Variants in RABGAP1L observed in about 807,000 individuals in gnomAD.
The protein encoded by RABGAP1L is RAB GTPase activating protein 1 like.
In RABGAP1L, 63 loss-of-function variants were observed where a neutral mutation model predicts 137.7. The ratio of observed to expected loss-of-function variants is 0.46; its 90% CI spans 0.37 to 0.56. The LOEUF (loss-of-function observed/expected upper bound fraction) is 0.56. RABGAP1L is among the 20% of genes least tolerant of loss of function. The pLI, the probability that RABGAP1L is intolerant of heterozygous loss-of-function variation, is 0.00. For synonymous variants in RABGAP1L, 431 were observed against 433.7 expected, an observed-to-expected ratio of 0.99 and a Z score of 0.08; for missense variants, 1,095 against 1,244.0, an observed-to-expected ratio of 0.88 and a Z score of 1.80.
intron 17 of RABGAP1L, among the ~76,000 whole-genome samples, chr1:174,713,717 T>C (rs933789869): frequency 6.6e-6 from 1 of 152,250 alleles, no homozygotes; most frequent in African/African-American, 2.4e-5. Flanking sequence ...AAAACCTCTT[T>C]TGTTTATAAA....
At chr1:174,870,905 T>A (rs1188436450) in intron 19 of RABGAP1L, among the ~76,000 whole-genome samples, 1 of 151,736 alleles carries the variant, frequency 6.6e-6, no homozygotes. Context: ...ACCCGGCTAA[T>A]TTTTTTTATA....
intron 13 of RABGAP1L, among the ~76,000 whole-genome samples, chr1:174,614,656 A>G (rs1671614891): frequency 6.6e-6 from 1 of 152,226 alleles, no homozygotes; most frequent in South Asian, 2.1e-4. Context: ...TCTCCTGAAT[A>G]ACATCCTGCA....
intron 19 of RABGAP1L, among the ~76,000 whole-genome samples, chr1:174,889,472 G>A (rs1338483731): frequency 6.6e-6 from 1 of 152,180 alleles, no homozygotes; most frequent in Non-Finnish European, 1.5e-5. Context: ...CCAGTCTGGA[G>A]TGCAGTGGCG....
intron 19 of RABGAP1L, among the ~76,000 whole-genome samples, chr1:174,876,726 T>C (rs1267124722): frequency 1.3e-5 from 2 of 152,168 alleles, no homozygotes; most frequent in South Asian, 4.1e-4. Context: ...AGTTTATAAA[T>C]GAGACTCTTG....
intron 19 of RABGAP1L, among the ~76,000 whole-genome samples, chr1:174,949,603 A>G (rs1470024793): frequency 2.0e-5 from 3 of 152,160 alleles, no homozygotes; most frequent in African/African-American, 7.2e-5. Flanking sequence ...CTTGAATGTT[A>G]ACCATCCAAA....
At chr1:174,987,252 C>T (rs953848156) in intron 24 of RABGAP1L, among the ~76,000 whole-genome samples, 4 of 152,080 alleles carry the variant, frequency 2.6e-5, no homozygotes, top group Non-Finnish European at 5.9e-5. Flanking sequence ...CTGCAAGCTC[C>T]GCCTCCCGGG....
intron 13 of RABGAP1L, among the ~76,000 whole-genome samples, chr1:174,603,748 A>G (rs1365017313): frequency 6.6e-6 from 1 of 151,956 alleles, no homozygotes; most frequent in African/African-American, 2.4e-5. Context: ...TGTTTATTCA[A>G]GGCCCATGCA....
intron 7 of RABGAP1L, among the ~76,000 whole-genome samples, chr1:174,271,694 G>A (rs1337327187): frequency 6.6e-6 from 1 of 151,962 alleles, no homozygotes; most frequent in Non-Finnish European, 1.5e-5. Flanking sequence ...AAAAATCTTC[G>A]AGTTAGCTGA....
At chr1:174,649,840 G>A (rs1675310727) in intron 14 of RABGAP1L, among the ~76,000 whole-genome samples, 1 of 152,158 alleles carries the variant, frequency 6.6e-6, no homozygotes, top group East Asian at 1.9e-4. Flanking sequence ...TCTCCTGCCT[G>A]ATTGCCCTGG....
chr1:174,394,282 C>T (rs374256338), intron 13 of RABGAP1L, 137 bp downstream of exon 13: 1 of 980,790 alleles, frequency 1.0e-6, no homozygotes, highest in Non-Finnish European at 1.5e-6. Flanking sequence ...GTACTTCTAC[C>T]TTTTGTTCTG....
intron 13 of RABGAP1L, among the ~76,000 whole-genome samples, chr1:174,636,980 C>T (rs747851607): frequency 3.8e-4 from 58 of 151,940 alleles, no homozygotes; most frequent in Non-Finnish European, 7.1e-4. Context: ...CCAGATATAC[C>T]TTATTTTTAA....
At chr1:174,306,396 TC>T (rs1423161824) in intron 11 of RABGAP1L, among the ~76,000 whole-genome samples, 11 of 152,320 alleles carry the variant, frequency 7.2e-5, no homozygotes, top group Admixed American at 5.2e-4. Context: ...GTAAAAGTGT[TC>T]CTATTTCTCC....
chr1:174,770,656 A>T (rs1229915037), intron 18 of RABGAP1L, among the ~76,000 whole-genome samples: 1 of 152,174 alleles, frequency 6.6e-6, no homozygotes, highest in Non-Finnish European at 1.5e-5. Context: ...CAAAATAAGT[A>T]CTCATTTAAG....
chr1:174,797,218 T>C (rs978958444), intron 18 of RABGAP1L, among the ~76,000 whole-genome samples: 4 of 152,000 alleles, frequency 2.6e-5, no homozygotes, highest in Non-Finnish European at 5.9e-5. Context: ...ACCAAGTTAG[T>C]TGAGTGGAAA....
intron 17 of RABGAP1L, among the ~76,000 whole-genome samples, chr1:174,712,084 G>T (rs925184363): frequency 7.9e-5 from 12 of 152,206 alleles, no homozygotes; most frequent in African/African-American, 2.4e-4. Flanking sequence ...AAACACGCCA[G>T]TCAGCACCCT....
chr1:174,225,469 G>A (rs1350041019), intron 3 of RABGAP1L, among the ~76,000 whole-genome samples: 1 of 86,646 alleles, frequency 1.2e-5, no homozygotes, highest in Non-Finnish European at 2.5e-5. Context: ...ACTATTTCTT[G>A]TTAAAATCCT....
intron 14 of RABGAP1L, among the ~76,000 whole-genome samples, chr1:174,655,974 G>A (rs1294971334): frequency 1.3e-5 from 2 of 152,120 alleles, no homozygotes; most frequent in African/African-American, 4.8e-5. Flanking sequence ...AAAATATTAA[G>A]AAACCAAGAT....
chr1:174,299,619 C>T (rs1375445232), intron 10 of RABGAP1L, among the ~76,000 whole-genome samples: 1 of 152,102 alleles, frequency 6.6e-6, no homozygotes, highest in Non-Finnish European at 1.5e-5. Context: ...TAGGAATATA[C>T]CTTACTCAAT....
At chr1:174,276,878 C>T (rs543329359) in intron 9 of RABGAP1L, among the ~76,000 whole-genome samples, 1 of 152,112 alleles carries the variant, frequency 6.6e-6, no homozygotes, top group South Asian at 2.1e-4. Flanking sequence ...CCTTCATTAT[C>T]TACTTTTAAA....
Sources: allele counts gnomAD v4.1 joint callset (sites outside exome capture counted in the v4.1 genomes callset), GRCh38; gene constraint gnomAD v4.1.1; transcripts MANE v1.5; gene names NCBI Gene and HGNC (gene_info 2026-07-23, HGNC 2026-07-21).